The following SLC14A2 variants were observed in gnomAD, a reference collection of about 807,000 sequenced individuals.
SLC14A2 encodes solute carrier family 14 member 2.
A neutral mutation model predicts 104.6 loss-of-function variants in SLC14A2; 91 were observed. The ratio of observed to expected loss-of-function variants is 0.87; its 90% CI spans 0.73 to 1.04. The LOEUF (loss-of-function observed/expected upper bound fraction) is 1.04. SLC14A2 is among the 50% of genes least tolerant of loss of function. The pLI is 0.00. For synonymous variants in SLC14A2, 476 were observed against 466.4 expected (o/e 1.02, Z -0.27); for missense variants, 1,189 against 1,156.0 (o/e 1.03, Z -0.41).
At chr18:45,368,630 T>C (rs1484564244) in intron 1 of SLC14A2, among the ~76,000 whole-genome samples, 2 of 152,132 alleles carry the variant, frequency 1.3e-5, no homozygotes, top group Non-Finnish European at 2.9e-5. Flanking sequence ...ATGTCAAAGC[T>C]AGAAAGGTTT....
At chr18:45,432,551 G>A (rs1285336350) in intron 1 of SLC14A2, among the ~76,000 whole-genome samples, 1 of 152,122 alleles carries the variant, frequency 6.6e-6, no homozygotes, top group Non-Finnish European at 1.5e-5. Context: ...AATACCCAGA[G>A]TGATCTAGGG....
In SLC14A2 at chr18:45,223,928, T is replaced by A. The variant is rs189046569; in HGVS notation, c.-125+10737T>A. Among the ~76,000 whole-genome samples, 453 of 152,348 alleles carry A rather than the reference T, an allele frequency of 3.0e-3. 1 individual carries two copies. The highest frequency in any genetic ancestry group is 5.4e-3 in the Non-Finnish European group (364 of 68,028). ...ATAATATACATACAAATTGCTATTATGTCAGCTTCTGAGAAGCCACTTCAA... is the reference window on the plus strand; with the variant it reads ...ATAATATACATACAAATTGCTATTAAGTCAGCTTCTGAGAAGCCACTTCAA... On this transcript the variant is annotated intron_variant, in intron 1 of 20. Coordinates refer to the SLC14A2 transcript ENST00000586448.
chr18:45,199,813 C>A, the SLC14A2 span, among the ~76,000 whole-genome samples: 1 of 152,148 alleles, frequency 6.6e-6, no homozygotes, highest in Non-Finnish European at 1.5e-5. Flanking sequence ...AATGCTCATA[C>A]CTTCAATAGC....
intron 1 of SLC14A2, among the ~76,000 whole-genome samples, chr18:45,255,836 T>A (rs1378485019): frequency 6.6e-6 from 1 of 152,134 alleles, no homozygotes; most frequent in East Asian, 1.9e-4. Context: ...CCCCCTTCAA[T>A]GGTGTCCTTG....
chr18:45,605,734 T>C (rs930657638), intron 2 of SLC14A2, among the ~76,000 whole-genome samples: 2 of 152,144 alleles, frequency 1.3e-5, no homozygotes, highest in Non-Finnish European at 2.9e-5. Flanking sequence ...TCACTCCCAA[T>C]GCAATGATTT....
At chr18:45,384,960 C>A (rs754243173) in intron 1 of SLC14A2, among the ~76,000 whole-genome samples, 4 of 152,208 alleles carry the variant, frequency 2.6e-5, no homozygotes, top group Admixed American at 6.5e-5. Flanking sequence ...GAACAGGGAG[C>A]TTTTAAGCTT....
intron 2 of SLC14A2, among the ~76,000 whole-genome samples, chr18:45,569,893 C>A (rs920186462): frequency 6.6e-6 from 1 of 152,128 alleles, no homozygotes; most frequent in East Asian, 1.9e-4. Flanking sequence ...TTGCAGCCTA[C>A]CCCCCTTCAT....
At chr18:45,537,355 T>C (rs1449103682) in intron 2 of SLC14A2, among the ~76,000 whole-genome samples, 2 of 151,830 alleles carry the variant, frequency 1.3e-5, no homozygotes, top group East Asian at 1.9e-4. Flanking sequence ...GTTCTGGGGG[T>C]TGAGCTATCA....
intron 1 of SLC14A2, among the ~76,000 whole-genome samples, chr18:45,388,218 A>G (rs2085922152): frequency 6.6e-6 from 1 of 151,334 alleles, no homozygotes; most frequent in East Asian, 2.0e-4. Flanking sequence ...GCCTGCCAAC[A>G]CGCCCGGCTA....
intron 2 of SLC14A2, among the ~76,000 whole-genome samples, chr18:45,568,544 A>G (rs2044299803): frequency 6.6e-6 from 1 of 152,212 alleles, no homozygotes; most frequent in South Asian, 2.1e-4. Context: ...GTAAGCAAAA[A>G]TGTCATGTCA....
At chr18:45,346,896 A>G (rs927102320) in intron 1 of SLC14A2, among the ~76,000 whole-genome samples, 1 of 151,524 alleles carries the variant, frequency 6.6e-6, no homozygotes, top group Non-Finnish European at 1.5e-5. Context: ...CGAGAGGCAG[A>G]GGTTGCAGTG....
At chr18:45,539,289 C>T (rs930190833) in intron 2 of SLC14A2, among the ~76,000 whole-genome samples, 1 of 151,872 alleles carries the variant, frequency 6.6e-6, no homozygotes, top group East Asian at 1.9e-4. Context: ...AAGATGAACA[C>T]CAAGATCTTC....
At chr18:45,309,439 C>T (rs2085056135) in intron 1 of SLC14A2, among the ~76,000 whole-genome samples, 1 of 151,810 alleles carries the variant, frequency 6.6e-6, no homozygotes, top group African/African-American at 2.4e-5. Flanking sequence ...ATCCTCTTTC[C>T]TTGATTCCCA....
chr18:45,310,841 G>A (rs1057153822), intron 1 of SLC14A2, among the ~76,000 whole-genome samples: 5 of 152,174 alleles, frequency 3.3e-5, no homozygotes, highest in African/African-American at 1.2e-4. Flanking sequence ...GGTACAGCAG[G>A]CCAAATGCCA....
At chr18:45,581,001 A>C (rs1173140193) in intron 2 of SLC14A2, among the ~76,000 whole-genome samples, 1 of 152,076 alleles carries the variant, frequency 6.6e-6, no homozygotes, top group Non-Finnish European at 1.5e-5. Context: ...GGAAGGAAGA[A>C]AGGCCTTGAG....
chr18:45,593,934 C>T (rs567509029), intron 2 of SLC14A2, among the ~76,000 whole-genome samples: 1 of 152,230 alleles, frequency 6.6e-6, no homozygotes. Context: ...TCTGGCCAGA[C>T]CGTCACCCCT....
At chr18:45,382,593 G>C (rs555688937) in intron 1 of SLC14A2, among the ~76,000 whole-genome samples, 1 of 152,136 alleles carries the variant, frequency 6.6e-6, no homozygotes, top group African/African-American at 2.4e-5. Context: ...CTGAATTATA[G>C]AAAAGAATTC....
chr18:45,624,935 G>C (rs569418755), intron 2 of SLC14A2, 121 bp downstream of exon 2: 1 of 986,706 alleles, frequency 1.0e-6, no homozygotes, highest in South Asian at 1.7e-5. Flanking sequence ...GCCACTGTCA[G>C]TACATGGTGA....
chr18:45,341,128 C>A (rs1350102935), intron 1 of SLC14A2, among the ~76,000 whole-genome samples: 1 of 151,140 alleles, frequency 6.6e-6, no homozygotes, highest in African/African-American at 2.5e-5. Context: ...TTTATTTTTT[C>A]AATATATAGC....
Sources: allele counts gnomAD v4.1 joint callset (sites outside exome capture counted in the v4.1 genomes callset), GRCh38; gene constraint gnomAD v4.1.1; transcripts MANE v1.5; gene names NCBI Gene and HGNC (gene_info 2026-07-23, HGNC 2026-07-21).